ANO4: variants seen among roughly 807,000 people sequenced by gnomAD.
ANO4 encodes anoctamin 4, also known as anoctamin-4.
In ANO4, 69 loss-of-function variants were observed where a neutral mutation model predicts 141.9. That is an observed-to-expected ratio of 0.49 (90% CI 0.40 to 0.59). ANO4 has a LOEUF of 0.59. Among genes scored for constraint, ANO4 ranks in the 20% least tolerant of loss-of-function variants. The pLI, the probability that ANO4 is intolerant of heterozygous loss-of-function variation, is 0.00. For synonymous variants in ANO4, 350 were observed against 394.3 expected, an observed-to-expected ratio of 0.89 and a Z score of 1.33; for missense variants, 894 against 1,162.2, an observed-to-expected ratio of 0.77 and a Z score of 3.36.
At chr12:101,097,998 T>C in intron 21 of ANO4, 53 bp downstream of exon 21, 1 of 1,529,138 alleles carries the variant, frequency 6.5e-7, no homozygotes, top group East Asian at 2.3e-5. Flanking sequence ...TTATTGGCTT[T>C]TCTAGGTGTG....
At chr12:101,056,952 C>G (rs1258389659) in intron 14 of ANO4, among the ~76,000 whole-genome samples, 2 of 144,904 alleles carry the variant, frequency 1.4e-5, no homozygotes, top group African/African-American at 2.7e-5. Flanking sequence ...TTTGCTGCAC[C>G]CTTCAAATCG....
At chr12:100,799,098 AC>A (rs957482505) in intron 1 of ANO4, among the ~76,000 whole-genome samples, 4 of 152,100 alleles carry the variant, frequency 2.6e-5, no homozygotes, top group Non-Finnish European at 5.9e-5. Flanking sequence ...TTCAGCCCCC[AC>A]CACTAACTGG....
At chr12:100,927,396 T>C (rs1034618570) in intron 3 of ANO4, among the ~76,000 whole-genome samples, 10 of 152,040 alleles carry the variant, frequency 6.6e-5, no homozygotes, top group African/African-American at 2.2e-4. Context: ...AGGAGTGGAG[T>C]GCCTACTCAA....
chr12:101,089,366 A>C (rs1440497436), intron 17 of ANO4, among the ~76,000 whole-genome samples: 1 of 152,182 alleles, frequency 6.6e-6, no homozygotes, highest in Non-Finnish European at 1.5e-5. Context: ...TAATAAAAAA[A>C]AAAGGGCAGT....
At chr12:100,830,668 T>C (rs1278156646) in intron 1 of ANO4, among the ~76,000 whole-genome samples, 1 of 152,084 alleles carries the variant, frequency 6.6e-6, no homozygotes, top group Non-Finnish European at 1.5e-5. Flanking sequence ...TTGGTTCTTA[T>C]GTCATCCTTC....
intron 17 of ANO4, among the ~76,000 whole-genome samples, chr12:101,092,223 A>G (rs2049805626): frequency 1.4e-5 from 2 of 145,314 alleles, no homozygotes; most frequent in African/African-American, 5.0e-5. Context: ...CTCATCTTCC[A>G]AAAAAAAAAA....
intron 27 of ANO4, among the ~76,000 whole-genome samples, 193 bp downstream of exon 27, chr12:101,127,267 A>G (rs1204540830): frequency 1.3e-5 from 2 of 151,996 alleles, no homozygotes; most frequent in South Asian, 4.2e-4. Flanking sequence ...CCTCCCACAT[A>G]CCTTCTGCAA....
chr12:101,067,558 C>A (rs2048643233), intron 14 of ANO4, among the ~76,000 whole-genome samples: 1 of 152,188 alleles, frequency 6.6e-6, no homozygotes, highest in Non-Finnish European at 1.5e-5. Flanking sequence ...TGGCACATAC[C>A]TGTAGTCCCA....
At chr12:100,812,457 T>C (rs1469818621) in intron 1 of ANO4, among the ~76,000 whole-genome samples, 1 of 151,654 alleles carries the variant, frequency 6.6e-6, no homozygotes, top group Non-Finnish European at 1.5e-5. Context: ...AACTCCAATA[T>C]GTTTGTATTT....
At chr12:100,977,853 C>G (rs1349457693) in intron 7 of ANO4, among the ~76,000 whole-genome samples, 1 of 152,150 alleles carries the variant, frequency 6.6e-6, no homozygotes, top group East Asian at 1.9e-4. Flanking sequence ...CTGTCCTCGC[C>G]CATCGCTTCC....
chr12:100,814,478 A>T (rs2035617614), intron 1 of ANO4, among the ~76,000 whole-genome samples: 1 of 152,066 alleles, frequency 6.6e-6, no homozygotes, highest in African/African-American at 2.4e-5. Context: ...GCAGGGCCAG[A>T]ATTTTATCAT....
chr12:101,011,170 CA>C (rs2046071441), intron 8 of ANO4, among the ~76,000 whole-genome samples: 1 of 151,958 alleles, frequency 6.6e-6, no homozygotes, highest in African/African-American at 2.4e-5. Context: ...GAACCTATGC[CA>C]AAAAATCATG....
chr12:100,764,215 T>G lies in ANO4; in HGVS notation c.358+24110T>G, dbSNP rs78329895. Among the ~76,000 whole-genome samples, 782 of 152,334 alleles carry G rather than the reference T, an allele frequency of 5.1e-3. 24 individuals are homozygous for G. The East Asian group carries it at 0.07, about 14-fold the overall frequency. On this transcript the variant is annotated intron_variant, in intron 3 of 29. Transcript: ENST00000644049. ...AAATGGTTCTCAAAGGCAGCTAATA[T>G]ACAGTGCAATATGGCATTATTGGAT...
In ANO4 at chr12:101,123,680, A is replaced by G. The variant is rs979106206; in HGVS notation, c.2676+3055A>G. On this transcript the variant is annotated intron_variant, in intron 26 of 27. Coordinates refer to ENST00000392977, the MANE Select transcript of ANO4 (RefSeq NM_001286615.2). ...CCTTTTTATGGTTGCATAGTATTTC[A>G]TGGTGTATATGTACCACATTTTTTT... Among the ~76,000 whole-genome samples, 3 of 152,292 alleles carry G rather than the reference A, an allele frequency of 2.0e-5. No homozygotes were observed. In the South Asian group the frequency reaches 6.2e-4, roughly 32 times the overall value.
rs1427977017 is a variant in ANO4 at position 100,988,888 on chromosome 12, A to G, written c.734+1218A>G. ...TCTGTCTCAGAAAAAAAAAAAAAAA[A>G]GAAAGAAAAACAAAAAACGAAGGTA... On this transcript the variant is annotated intron_variant, in intron 8 of 27. Transcript: ENST00000392977. 4.8e-4 allele frequency among the ~76,000 whole-genome samples: 48 copies of G among 100,570 alleles called. 2 individuals carry two copies. The highest frequency in any genetic ancestry group is 2.0e-3 in the African/African-American group (48 of 23,698). The allele number at this position is 100,570 out of a possible 152,430, so 66.0% of individuals were successfully genotyped here.
intron 26 of ANO4, among the ~76,000 whole-genome samples, chr12:101,123,234 C>T (rs1361222792): frequency 2.6e-5 from 4 of 152,208 alleles, no homozygotes; most frequent in Non-Finnish European, 5.9e-5. Flanking sequence ...ACCAATGGCA[C>T]ACTCTCTCTT....
intron 14 of ANO4, among the ~76,000 whole-genome samples, chr12:101,048,878 C>G (rs1395598077): frequency 1.3e-5 from 2 of 152,132 alleles, no homozygotes; most frequent in Admixed American, 6.5e-5. Flanking sequence ...CCCCATCACA[C>G]AAGGTGTGAT....
Position 101,094,284 on chromosome 12 carries a change from C to T in ANO4, c.1730C>T (p.Thr577Met), listed in dbSNP as rs761543354. Reference protein sequence around the residue: ...VLYEKVALLLTNLEQPRTESE... With the variant: ...VLYEKVALLLMNLEQPRTESE... ...TATGAAAAAGTTGCCCTGCTTCTGA[C>T]GAATTTAGGTGAGTGGAATCCTTTC... Residue 577 changes from threonine to methionine, a missense_variant, in exon 18 of 28, where the codon ACG (threonine) becomes ATG (methionine). Thr to Met is a moderately conservative substitution (Grantham distance 81). Around this residue, in one of 2 missense-constraint regions of ANO4, gnomAD observed 637 missense variants for 909.2 expected, o/e 0.70. Transcript: ENST00000392977. 16 of 1,610,374 alleles carry T rather than the reference C, an allele frequency of 9.9e-6. No homozygotes were observed. Among genetic ancestry groups the T allele is most frequent in the Non-Finnish European group, 1.1e-5 (13 of 1,177,016 alleles).
intron 3 of ANO4, among the ~76,000 whole-genome samples, chr12:100,778,786 G>A (rs34059021): frequency 6.6e-6 from 1 of 152,242 alleles, no homozygotes; most frequent in Non-Finnish European, 1.5e-5. Flanking sequence ...GTTTTAAAAC[G>A]CACAGAAATG....
Sources: allele counts gnomAD v4.1 joint callset (sites outside exome capture counted in the v4.1 genomes callset), GRCh38; gene constraint gnomAD v4.1.1; regional missense constraint gnomAD v4.1.1; transcripts MANE v1.5; gene names NCBI Gene and HGNC (gene_info 2026-07-23, HGNC 2026-07-21).